The following NR2C2 variants were observed in gnomAD, a reference collection of about 807,000 sequenced individuals.
NR2C2 encodes Nuclear hormone receptor TR4.
NR2C2 carries 6 observed loss-of-function variants against 62.9 expected under a neutral mutation model. The observed-to-expected ratio is 0.10, with a 90% CI of 0.05 to 0.19. The LOEUF is 0.19. NR2C2 is among the 10% of genes least tolerant of loss of function. The probability of loss-of-function intolerance (pLI) is 1.00; values close to 1 mark genes in which losing one functional copy is unlikely to be tolerated. For missense variants in NR2C2, 479 were observed against 762.7 expected, an observed-to-expected ratio of 0.63 and a Z score of 4.38; for synonymous variants, 272 against 273.8, an observed-to-expected ratio of 0.99 and a Z score of 0.07.
chr3:15,043,128 G>T lies in NR2C2; in HGVS notation c.*120G>T. ...CCATATGTTAGCCATTTCCTGTCTG[G>T]TTTCTCCTTATCTGTTAATCCCAGA... On this transcript the variant is annotated 3_prime_UTR_variant, in exon 14 of 14. Transcript: ENST00000425241. 1.1e-6 allele frequency: 1 copy of T among 913,886 alleles called. No homozygotes were observed. Among genetic ancestry groups the T allele is most frequent in the Non-Finnish European group, 1.5e-6 (1 of 647,252 alleles). The allele number at this position is 913,886 out of a possible 1,614,324, so 56.6% of individuals were successfully genotyped here.
intron 7 of NR2C2, chr3:15,025,415 T>A (rs2041796404): frequency 6.6e-6 from 1 of 152,216 alleles, no homozygotes; most frequent in Non-Finnish European, 1.5e-5. Context: ...TAGGAATTAG[T>A]TATTGTCACT....
At chr3:14,994,153 A>C (rs2040750024) in intron 1 of NR2C2, among the ~76,000 whole-genome samples, 1 of 151,784 alleles carries the variant, frequency 6.6e-6, no homozygotes, top group South Asian at 2.1e-4. Flanking sequence ...AGTGTTTTTA[A>C]ATTTTTGTTT....
chr3:14,986,128 C>T (rs1017035223), intron 1 of NR2C2, among the ~76,000 whole-genome samples: 1 of 151,754 alleles, frequency 6.6e-6, no homozygotes, highest in African/African-American at 2.4e-5. Flanking sequence ...TTTTAAAGAC[C>T]CTTTTACTGT....
At chr3:15,023,471 T>A in intron 6 of NR2C2, 124 bp downstream of exon 6, 1 of 1,094,516 alleles carries the variant, frequency 9.1e-7, no homozygotes, top group Non-Finnish European at 1.3e-6. Context: ...TTGTGTTGCC[T>A]AATTCTGCCC....
chr3:15,019,138 A>G (rs1043728932), intron 4 of NR2C2, among the ~76,000 whole-genome samples: 6 of 151,846 alleles, frequency 4.0e-5, no homozygotes, highest in Non-Finnish European at 8.8e-5. Flanking sequence ...AGGCACAAGA[A>G]TCACTTGAAC....
At chr3:14,961,973 A>G (rs189899732) in intron 1 of NR2C2, among the ~76,000 whole-genome samples, 2 of 152,302 alleles carry the variant, frequency 1.3e-5, no homozygotes, top group East Asian at 3.9e-4. Context: ...CTTTGCCACT[A>G]GCAAAAGAAG....
At chr3:15,038,447 C>CT (rs1210682900) in intron 12 of NR2C2, 18 of 224,368 alleles carry the variant, frequency 8.0e-5, no homozygotes, top group East Asian at 4.1e-4. Context: ...GATGTCCTTT[C>CT]TTTTTTTTCC....
intron 1 of NR2C2, among the ~76,000 whole-genome samples, chr3:14,970,483 CCATTCCCCT>C (rs2040004626): frequency 6.6e-6 from 1 of 152,154 alleles, no homozygotes; most frequent in African/African-American, 2.4e-5. Flanking sequence ...GCACCAGCTA[CCATTCCCCT>C]CATTCCCCTA....
intron 1 of NR2C2, among the ~76,000 whole-genome samples, chr3:14,995,532 A>G (rs1455772600): frequency 1.3e-5 from 2 of 152,188 alleles, no homozygotes; most frequent in Non-Finnish European, 2.9e-5. Context: ...TTATTGCCAA[A>G]TAATATGCCA....
In NR2C2 at chr3:15,028,632, C is replaced by G; in HGVS notation, c.845C>G (p.Thr282Ser). The change falls in exon 8 of 14, where the codon ACC becomes AGC. Residue 282 changes from threonine (T) to serine (S), a missense_variant. By Grantham distance (58) the Thr-to-Ser change is moderately conservative. Coordinates refer to ENST00000425241, the MANE Select transcript of NR2C2 (RefSeq NM_001291694.2). ...GALGTLANVV[T>S]SLANLSESLN... is the part of the protein sequence containing the mutation. ...CTGGGCACACTGGCAAATGTAGTGA[C>G]CTCCCTTGCCAACCTAAGTGAATCT... 4 of 1,614,052 alleles carry G rather than the reference C, an allele frequency of 2.5e-6. No homozygotes were observed. The South Asian group carries it at 4.4e-5, about 18-fold the overall frequency.
rs192955366 is a variant in NR2C2, at chr3:14,978,060, A to T, written c.-39-25816A>T. ...GGGTGACACAAGAAATAAAAATATT[A>T]AAAAAAAAGAATGAAGGACTTAAAA... On this transcript the variant is annotated intron_variant, in intron 1 of 13. Coordinates refer to ENST00000425241, the MANE Select transcript of NR2C2 (RefSeq NM_001291694.2). Among the ~76,000 whole-genome samples, 732 of 151,224 alleles carry T rather than the reference A, an allele frequency of 4.8e-3. 2 individuals carry two copies. The highest frequency in any genetic ancestry group is 0.017 in the African/African-American group (694 of 41,080).
At position 15,028,637 on chromosome 3, in the gene NR2C2, C is replaced by G. The variant is rs761874011; in HGVS notation, c.850C>G (p.Leu284Val). 2 of 1,614,106 alleles carry G rather than the reference C, an allele frequency of 1.2e-6. No homozygotes were observed. The highest frequency in any genetic ancestry group is 2.2e-5 in the South Asian group (2 of 91,080). Residue 284 changes from leucine to valine, a missense_variant, in exon 8 of 14, where the codon CTT becomes GTT. Leu to Val is a conservative substitution (Grantham distance 32, BLOSUM62 1). Transcript: ENST00000425241. ...LGTLANVVTSLANLSESLNNG... is the reference protein window; with the variant it reads ...LGTLANVVTSVANLSESLNNG... ...CACACTGGCAAATGTAGTGACCTCC[C>G]TTGCCAACCTAAGTGAATCTTTGAA...
chr3:14,970,284 G>T (rs982479080), intron 1 of NR2C2, among the ~76,000 whole-genome samples: 1 of 146,610 alleles, frequency 6.8e-6, no homozygotes, highest in Non-Finnish European at 1.5e-5. Context: ...GGGTGGGGGG[G>T]TGGTAATGAA....
chr3:14,993,999 A>C (rs1406929915), intron 1 of NR2C2, among the ~76,000 whole-genome samples: 1 of 152,180 alleles, frequency 6.6e-6, no homozygotes, highest in Non-Finnish European at 1.5e-5. Context: ...GCTTAGAGGC[A>C]GGGCCACATC....
chr3:15,030,576 T>G lies in NR2C2; in HGVS notation c.1110+124T>G, dbSNP rs1003722804. On this transcript the variant is annotated intron_variant, in intron 9 of 13. Transcript: ENST00000425241. ...GGCATAGTGGCTCATGCCTGTAATC[T>G]TAGCACTTCGGGAGGCCAAGGCACG... The G allele has an allele frequency of 1.3e-5, 13 of 1,005,892 alleles. No individual in the cohort carries two copies. The Admixed American group carries it at 2.1e-4, about 17-fold the overall frequency. The allele number at this position is 1,005,892 out of a possible 1,614,324, so 62.3% of individuals were successfully genotyped here. A position where few individuals can be genotyped will look rare whatever the true frequency, so the allele number is the denominator to read the frequency against.
intron 1 of NR2C2, among the ~76,000 whole-genome samples, chr3:14,996,716 G>A (rs936781891): frequency 1.3e-5 from 2 of 152,112 alleles, no homozygotes; most frequent in African/African-American, 4.8e-5. Flanking sequence ...GACTCCAGGC[G>A]CCCACCGCCA....
chr3:14,976,154 G>A (rs2040197327), intron 1 of NR2C2, among the ~76,000 whole-genome samples: 1 of 152,124 alleles, frequency 6.6e-6, no homozygotes, highest in Admixed American at 6.5e-5. Context: ...AGGTTATCCA[G>A]TGTGTCAGTG....
At chr3:14,960,334 G>A (rs1473503) in intron 1 of NR2C2, among the ~76,000 whole-genome samples, 9,068 of 152,186 alleles carry the variant, frequency 0.06, 935 homozygotes, top group African/African-American at 0.21. Flanking sequence ...AACTTAAACA[G>A]ATTTACTGCT....
At chr3:14,961,645 A>G (rs2039689911) in intron 1 of NR2C2, among the ~76,000 whole-genome samples, 1 of 152,178 alleles carries the variant, frequency 6.6e-6, no homozygotes, top group African/African-American at 2.4e-5. Context: ...CTGCTCCTTC[A>G]GCAATGCTGG....
Sources: gnomAD v4.1 joint callset for allele counts (sites outside exome capture counted in the v4.1 genomes callset) on GRCh38, gnomAD v4.1.1 for gene constraint, MANE v1.5 for transcripts, NCBI Gene and HGNC (gene_info 2026-07-23, HGNC 2026-07-21) for gene names.